The following CLPB variants were observed in gnomAD, a reference collection of about 807,000 sequenced individuals.
CLPB encodes ClpB family mitochondrial disaggregase.
A neutral mutation model predicts 78.4 loss-of-function variants in CLPB; 40 were observed. The ratio of observed to expected loss-of-function variants is 0.51; its 90% confidence interval spans 0.40 to 0.66. The LOEUF is 0.66. Among genes scored for constraint, CLPB ranks in the 30% least tolerant of loss-of-function variants. The pLI, the probability that CLPB is intolerant of heterozygous loss-of-function variation, is 0.00. For synonymous variants in CLPB, 333 were observed against 348.0 expected, an observed-to-expected ratio of 0.96 and a Z score of 0.48; for missense variants, 780 against 886.9, an observed-to-expected ratio of 0.88 and a Z score of 1.53.
chr11:72,356,998 G>C lies in CLPB; in HGVS notation c.775+1882C>G, dbSNP rs567952775. 3 of 152,358 alleles carry C rather than the reference G, an allele frequency of 2.0e-5. No individual in the cohort carries two copies. In the South Asian group the frequency reaches 6.2e-4, roughly 32 times the overall value. The allele number at this position is 152,358 out of a possible 1,614,324, so 9.4% of individuals were successfully genotyped here. ...CAACGGACAAAGGAAGAAGCTTTCT[G>C]CTTGGGGATGTTTTCTAAGTCTCTG... On this transcript the variant is annotated intron_variant, in intron 5 of 15. Coordinates refer to ENST00000538039, the MANE Select transcript of CLPB (RefSeq NM_001258392.3).
intron 3 of CLPB, among the ~76,000 whole-genome samples, chr11:72,387,599 A>C (rs1855116471): frequency 6.6e-6 from 1 of 151,980 alleles, no homozygotes; most frequent in Non-Finnish European, 1.5e-5. Context: ...AGAATAATGG[A>C]GATAATGATG....
At chr11:72,410,812 G>C (rs1457359088) in intron 2 of CLPB, 6 of 152,160 alleles carry the variant, frequency 3.9e-5, no homozygotes, top group Non-Finnish European at 8.8e-5. Flanking sequence ...AGACCAAAGA[G>C]GTAACAGCTA....
intron 2 of CLPB, chr11:72,428,957 T>C (rs1026401979): frequency 1.3e-4 from 20 of 152,344 alleles, no homozygotes; most frequent in Admixed American, 1.2e-3. Context: ...ATTCCCAACA[T>C]TGCTGCTCTG....
chr11:72,408,261 T>A, intron 2 of CLPB: 2 of 1,202,522 alleles, frequency 1.7e-6, no homozygotes, highest in East Asian at 5.1e-5. Context: ...GGAGTTCAGA[T>A]TCTAGCTCTG....
In CLPB at chr11:72,290,379, G is replaced by T. The variant is rs1392418297; in HGVS notation, c.*2988C>A. ...TATAAATTATCAAATAAATAAATGG[G>T]GAAAAGGGACAGCTCTTCCTTATAG... On this transcript the variant is annotated 3_prime_UTR_variant, in exon 16 of 16. Coordinates refer to ENST00000538039, the MANE Select transcript of CLPB (RefSeq NM_001258392.3). 6.6e-6 allele frequency: 1 copy of T among 151,994 alleles called. No individual in the cohort carries two copies. Among genetic ancestry groups the T allele is most frequent in the Non-Finnish European group, 1.5e-5 (1 of 68,016 alleles). 9.4% of individuals were successfully genotyped at this position (151,994 alleles called of 1,614,324 possible). A position where few individuals can be genotyped will look rare whatever the true frequency, so the allele number is the denominator to read the frequency against.
chr11:72,286,234 T>TTTGTTTTTTTTTTTTTTTTTTTTTTG lies in CLPB; in HGVS notation c.*7132_*7133insCAAAAAAAAAAAAAAAAAAAAAACAA, dbSNP rs1949389099. The stretch of plus-strand genomic sequence containing the variant: ...GAGATACTGCACCTGTTTTTTTTTT[T>TTTGTTTTTTTTTTTTTTTTTTTTTTG]TTTTTTTTTTTTAAGAGATAGGGTG... On this transcript the variant is annotated 3_prime_UTR_variant, in exon 16 of 16. Transcript: ENST00000538039. The TTTGTTTTTTTTTTTTTTTTTTTTTTG allele has an allele frequency of 7.8e-6, 1 of 128,936 alleles. No homozygotes were observed. The highest frequency in any genetic ancestry group is 2.9e-5 in the African/African-American group (1 of 34,596). The allele number at this position is 128,936 out of a possible 1,614,324, so 8.0% of individuals were successfully genotyped here. A position where few individuals can be genotyped will look rare whatever the true frequency, so the allele number is the denominator to read the frequency against.
chr11:72,332,257 C>T (rs1419580754), intron 5 of CLPB, among the ~76,000 whole-genome samples: 1 of 149,768 alleles, frequency 6.7e-6, no homozygotes, highest in African/African-American at 2.5e-5. Context: ...CTGAGGTGGG[C>T]GGATCACTTG....
chr11:72,406,161 G>A (rs528431571), intron 2 of CLPB, among the ~76,000 whole-genome samples: 2 of 152,266 alleles, frequency 1.3e-5, no homozygotes, highest in South Asian at 2.1e-4. Flanking sequence ...CCAGTTTGGA[G>A]GTGTAATACA....
At chr11:72,376,972 T>C (rs1048764900) in intron 4 of CLPB, among the ~76,000 whole-genome samples, 1 of 152,202 alleles carries the variant, frequency 6.6e-6, no homozygotes, top group Non-Finnish European at 1.5e-5. Flanking sequence ...GCCCAGCGTT[T>C]TATAACAGTT....
intron 5 of CLPB, among the ~76,000 whole-genome samples, chr11:72,349,106 G>A (rs911130303): frequency 6.6e-6 from 1 of 152,222 alleles, no homozygotes; most frequent in African/African-American, 2.4e-5. Context: ...AGATCAGTGA[G>A]CAAGTATTCA....
intron 5 of CLPB, among the ~76,000 whole-genome samples, chr11:72,347,513 T>C (rs1054179428): frequency 6.6e-6 from 1 of 152,198 alleles, no homozygotes; most frequent in Admixed American, 6.5e-5. Context: ...GAAAAGATAG[T>C]AACAATACAG....
At chr11:72,358,317 A>G (rs1347033976) in intron 5 of CLPB, among the ~76,000 whole-genome samples, 1 of 152,208 alleles carries the variant, frequency 6.6e-6, no homozygotes, top group Non-Finnish European at 1.5e-5. Flanking sequence ...GCTCAGAGAC[A>G]AGTTAGGGAG....
chr11:72,335,746 G>A (rs547473846), intron 5 of CLPB, among the ~76,000 whole-genome samples: 45 of 152,180 alleles, frequency 3.0e-4, no homozygotes, highest in Non-Finnish European at 5.1e-4. Flanking sequence ...TTGATACACT[G>A]CTATATATCC....
At chr11:72,315,287 T>C (rs1949921788) in intron 7 of CLPB, among the ~76,000 whole-genome samples, 1 of 152,188 alleles carries the variant, frequency 6.6e-6, no homozygotes, top group African/African-American at 2.4e-5. Flanking sequence ...AGATAGCTGG[T>C]TGCCTTTCTG....
Position 72,359,001 on chromosome 11 carries a change from G to A in CLPB, c.654C>T (p.Ile218=), listed in dbSNP as rs1950781336. The A allele has an allele frequency of 2.5e-6, 4 of 1,613,614 alleles. No individual in the cohort carries two copies. The highest frequency in any genetic ancestry group is 3.4e-6 in the Non-Finnish European group (4 of 1,179,972). ...TGTTGTTGAAGTCATCCTCTCGGGT[G>A]ATCAGGACTGGGGAGACAGCAACAC... is the stretch of plus-strand genomic sequence containing the variant. ...EQGIHSLEVL[I]TREDDFNNRL... The change falls in exon 5 of 16, where the codon ATC becomes ATT. Residue 218 remains isoleucine, a synonymous_variant. Coordinates refer to ENST00000538039, the MANE Select transcript of CLPB (RefSeq NM_001258392.3).
chr11:72,396,932 A>G (rs989653780), intron 3 of CLPB, among the ~76,000 whole-genome samples: 7 of 152,250 alleles, frequency 4.6e-5, no homozygotes, highest in African/African-American at 1.7e-4. Context: ...GAAGTATCAC[A>G]TTTACACAGA....
At chr11:72,331,433 G>T (rs1036323534) in intron 5 of CLPB, among the ~76,000 whole-genome samples, 1 of 151,830 alleles carries the variant, frequency 6.6e-6, no homozygotes, top group Non-Finnish European at 1.5e-5. Context: ...AAGAGACAGG[G>T]TCTCACTATG....
rs76835744 is a variant in CLPB, at chr11:72,343,957, G to A, written c.776-14153C>T. On this transcript the variant is annotated intron_variant, in intron 5 of 15. Coordinates refer to ENST00000538039, the MANE Select transcript of CLPB (RefSeq NM_001258392.3). ...ATTATGGCCCCATTATGACACAGCTGAGCTGTGCTCCTTCCATTTCTGTTT... is the reference window on the plus strand; with the variant it reads ...ATTATGGCCCCATTATGACACAGCTAAGCTGTGCTCCTTCCATTTCTGTTT... Among the ~76,000 whole-genome samples the A allele has an allele frequency of 3.6e-3, 547 of 152,252 alleles. 3 individuals are homozygous for A. Among genetic ancestry groups the A allele is most frequent in the East Asian group, 0.018 (93 of 5,172 alleles).
chr11:72,297,702 T>TGTGTGTGTGTGTGTGAGA, intron 11 of CLPB, among the ~76,000 whole-genome samples: 1 of 129,658 alleles, frequency 7.7e-6, no homozygotes, highest in Non-Finnish European at 1.7e-5. Flanking sequence ...TGTGTGTGTG[T>TGTGTGTGTGTGTGTGAGA]GACATGTCCA....
Sources: gnomAD v4.1 joint callset for allele counts (sites outside exome capture counted in the v4.1 genomes callset) on GRCh38, gnomAD v4.1.1 for gene constraint, MANE v1.5 for transcripts, NCBI Gene and HGNC (gene_info 2026-07-23, HGNC 2026-07-21) for gene names.